MEMO1: variants seen among roughly 807,000 people sequenced by gnomAD.
The protein encoded by MEMO1 is protein MEMO1.
A neutral mutation model predicts 45.2 loss-of-function variants in MEMO1; 6 were observed. The ratio of observed to expected loss-of-function variants is 0.13; its 90% CI spans 0.07 to 0.26. MEMO1 has a LOEUF of 0.26. MEMO1 is among the 10% of genes least tolerant of loss of function. The pLI, the probability that MEMO1 is intolerant of heterozygous loss-of-function variation, is 1.00. For synonymous variants in MEMO1, 78 were observed against 124.3 expected, an observed-to-expected ratio of 0.63 and a Z score of 2.48; for missense variants, 184 against 370.5, an observed-to-expected ratio of 0.50 and a Z score of 4.13.
rs1677684449 is a variant in MEMO1 at position 31,895,787 on chromosome 2, C to T, written c.438-3653G>A. On this transcript the variant is annotated intron_variant, in intron 6 of 9. Coordinates refer to ENST00000404530, the MANE Select transcript of MEMO1 (RefSeq NM_001301833.4). ...TATGATAAGCACAAAGAGATCCTCA[C>T]CCAGATACTTCATAATCAAACAGCT... 2.6e-5 allele frequency among the ~76,000 whole-genome samples: 4 copies of T among 151,722 alleles called. No individual in the cohort carries two copies. The South Asian group carries it at 8.3e-4, about 32-fold the overall frequency.
chr2:31,872,505 T>G (rs1410620707), intron 8 of MEMO1, among the ~76,000 whole-genome samples: 1 of 152,122 alleles, frequency 6.6e-6, no homozygotes, highest in Non-Finnish European at 1.5e-5. Flanking sequence ...ATTTATATAC[T>G]GATATGAATT....
intron 8 of MEMO1, among the ~76,000 whole-genome samples, chr2:31,875,147 T>C (rs1035225656): frequency 2.0e-5 from 3 of 152,118 alleles, no homozygotes; most frequent in African/African-American, 7.2e-5. Context: ...GTCCAAATGT[T>C]AAAATCAAAT....
intron 2 of MEMO1, among the ~76,000 whole-genome samples, chr2:31,970,271 C>G (rs1669222107): frequency 6.6e-6 from 1 of 151,984 alleles, no homozygotes; most frequent in Non-Finnish European, 1.5e-5. Flanking sequence ...CGCCTGGCCT[C>G]TCTTTCGTAA....
intron 2 of MEMO1, among the ~76,000 whole-genome samples, chr2:31,953,549 G>T (rs753720747): frequency 4.6e-5 from 7 of 151,152 alleles, no homozygotes; most frequent in African/African-American, 1.7e-4. Context: ...TCCGCCTCCC[G>T]GGTTCAAGCA....
At chr2:31,880,949 A>G (rs1675266152) in intron 8 of MEMO1, among the ~76,000 whole-genome samples, 1 of 152,098 alleles carries the variant, frequency 6.6e-6, no homozygotes, top group South Asian at 2.1e-4. Flanking sequence ...GTTTAAGCCC[A>G]GCAGGCTGAG....
At chr2:31,949,683 C>T (rs560150116) in intron 2 of MEMO1, among the ~76,000 whole-genome samples, 2 of 149,674 alleles carry the variant, frequency 1.3e-5, no homozygotes, top group East Asian at 3.9e-4. Context: ...GGAACAGGAC[C>T]TACTGTTTGA....
At chr2:31,915,571 AAG>A (rs1007587754) in intron 6 of MEMO1, among the ~76,000 whole-genome samples, 6 of 117,768 alleles carry the variant, frequency 5.1e-5, no homozygotes, top group African/African-American at 1.4e-4. Context: ...GGGAAAAAAA[AAG>A]AAGAAGAAGT....
At chr2:31,959,006 G>A (rs868856106) in intron 2 of MEMO1, among the ~76,000 whole-genome samples, 6 of 152,206 alleles carry the variant, frequency 3.9e-5, no homozygotes, top group South Asian at 4.1e-4. Flanking sequence ...ATTGAAGGGG[G>A]ATAAGAGAAA....
intron 2 of MEMO1, among the ~76,000 whole-genome samples, chr2:32,004,835 G>A (rs994347909): frequency 2.6e-5 from 4 of 151,742 alleles, no homozygotes; most frequent in Non-Finnish European, 5.9e-5. Context: ...GCTGAGGCAG[G>A]AGAACTGCTT....
At chr2:32,009,141 C>T (rs1172869918) in intron 2 of MEMO1, among the ~76,000 whole-genome samples, 1 of 152,186 alleles carries the variant, frequency 6.6e-6, no homozygotes, top group African/African-American at 2.4e-5. Context: ...GGGAAAGTCC[C>T]TACACTTTCA....
chr2:32,009,712 G>A (rs1004378481), intron 2 of MEMO1, among the ~76,000 whole-genome samples: 4 of 152,180 alleles, frequency 2.6e-5, no homozygotes, highest in Admixed American at 1.3e-4. Flanking sequence ...GAGAGGAAAG[G>A]AAAGGGTCCC....
intron 2 of MEMO1, among the ~76,000 whole-genome samples, chr2:31,981,178 C>A (rs766632563): frequency 6.6e-5 from 10 of 152,318 alleles, no homozygotes; most frequent in African/African-American, 2.4e-4. Context: ...CTGAACAGAT[C>A]TGAAGGAGGG....
intron 4 of MEMO1, among the ~76,000 whole-genome samples, chr2:31,927,618 G>C (rs546850835): frequency 1.4e-5 from 2 of 145,734 alleles, no homozygotes; most frequent in South Asian, 4.4e-4. Context: ...TAGTAAAACT[G>C]TAAGACATTT....
chr2:31,885,212 C>T (rs772524743), intron 7 of MEMO1, among the ~76,000 whole-genome samples: 3 of 152,192 alleles, frequency 2.0e-5, no homozygotes, highest in South Asian at 4.2e-4. Flanking sequence ...CTCTGCCTCC[C>T]GGGTTCAAGT....
chr2:31,965,751 A>G (rs763869266), intron 2 of MEMO1, among the ~76,000 whole-genome samples: 4 of 152,186 alleles, frequency 2.6e-5, no homozygotes, highest in Non-Finnish European at 4.4e-5. Flanking sequence ...GTTCTCACTT[A>G]TAAGTAGGAG....
At chr2:31,992,050 A>C (rs1672012031) in intron 2 of MEMO1, among the ~76,000 whole-genome samples, 1 of 152,208 alleles carries the variant, frequency 6.6e-6, no homozygotes, top group African/African-American at 2.4e-5. Flanking sequence ...GAAGTTTCCA[A>C]ATTTTATAAG....
chr2:31,946,178 C>T (rs569927686), intron 2 of MEMO1, among the ~76,000 whole-genome samples: 2 of 152,290 alleles, frequency 1.3e-5, no homozygotes, highest in African/African-American at 2.4e-5. Flanking sequence ...TCCCCTACGT[C>T]GTTCCCAATA....
rs66617379 is a variant in MEMO1, at chr2:32,001,032, A to ATTTTTTTTTT, written c.61+9145_61+9154dup. ...CTCTTCAGAAGTGCCATAAATTTTG[A>ATTTTTTTTTT]TTTTTTTTTTTTTTTTTTTTTTTGA... is the stretch of plus-strand genomic sequence containing the variant. On this transcript the variant is annotated intron_variant, in intron 2 of 9. Coordinates refer to ENST00000404530, the MANE Select transcript of MEMO1 (RefSeq NM_001301833.4). 1.9e-5 allele frequency among the ~76,000 whole-genome samples: 2 copies of ATTTTTTTTTT among 104,558 alleles called. 1 individual carries two copies. The allele number at this position is 104,558 out of a possible 152,430, so 68.6% of individuals were successfully genotyped here.
intron 2 of MEMO1, among the ~76,000 whole-genome samples, chr2:31,948,933 G>T (rs1383712327): frequency 1.3e-5 from 2 of 152,178 alleles, no homozygotes; most frequent in East Asian, 1.9e-4. Context: ...CCTAATAATT[G>T]TATCAAAAAT....
Sources: allele counts gnomAD v4.1 joint callset (sites outside exome capture counted in the v4.1 genomes callset), GRCh38; gene constraint gnomAD v4.1.1; transcripts MANE v1.5; gene names NCBI Gene and HGNC (gene_info 2026-07-23, HGNC 2026-07-21).